The following B3GALT1 variants were observed in gnomAD, a reference collection of about 807,000 sequenced individuals.
B3GALT1 encodes UDP-Gal:betaGlcNAc beta 1,3-galactosyltransferase, polypeptide 1.
B3GALT1 carries 10 observed loss-of-function variants against 23.2 expected under a neutral mutation model. The observed-to-expected ratio is 0.43, with a 90% CI of 0.27 to 0.73. B3GALT1 has a LOEUF of 0.73. B3GALT1 is among the 30% of genes least tolerant of loss of function. The pLI, the probability that B3GALT1 is intolerant of heterozygous loss-of-function variation, is 0.21. For missense variants in B3GALT1, 299 were observed against 405.4 expected (o/e 0.74, Z 2.25); for synonymous variants, 156 against 141.5 (o/e 1.10, Z -0.73).
At chr2:167,494,376 G>A in intron 2 of B3GALT1, among the ~76,000 whole-genome samples, 1 of 151,166 alleles carries the variant, frequency 6.6e-6, no homozygotes. Context: ...TATATTTTAG[G>A]GAAAAAAATA....
At chr2:167,523,029 C>A (rs553750241) in intron 2 of B3GALT1, among the ~76,000 whole-genome samples, 1 of 152,210 alleles carries the variant, frequency 6.6e-6, no homozygotes, top group East Asian at 1.9e-4. Context: ...TTGGTGATCT[C>A]CCTCTCTTTA....
At chr2:167,389,088 C>A (rs561570431) in intron 1 of B3GALT1, among the ~76,000 whole-genome samples, 1 of 152,224 alleles carries the variant, frequency 6.6e-6, no homozygotes. Flanking sequence ...AAGTCACAAT[C>A]TGGTTACAAA....
chr2:167,613,497 C>A (rs1407238427), intron 2 of B3GALT1, among the ~76,000 whole-genome samples: 9 of 150,906 alleles, frequency 6.0e-5, no homozygotes, highest in African/African-American at 2.2e-4. Context: ...ATATGAAAAC[C>A]CAATACCAGA....
At chr2:167,697,154 A>T (rs1284904246) in intron 3 of B3GALT1, among the ~76,000 whole-genome samples, 11 of 152,216 alleles carry the variant, frequency 7.2e-5, no homozygotes, top group Admixed American at 6.5e-4. Flanking sequence ...TGAACATATT[A>T]TATAGAAATA....
intron 1 of B3GALT1, among the ~76,000 whole-genome samples, chr2:167,421,831 A>G (rs1197592995): frequency 6.6e-6 from 1 of 152,254 alleles, no homozygotes; most frequent in African/African-American, 2.4e-5. Flanking sequence ...GCTTAGGAAA[A>G]TATATCTAAA....
chr2:167,293,825 C>G (rs1696299450), intron 1 of B3GALT1, among the ~76,000 whole-genome samples: 1 of 151,888 alleles, frequency 6.6e-6, no homozygotes, highest in Non-Finnish European at 1.5e-5. Context: ...GCGCGTTCCA[C>G]GAGGCTCCCC....
chr2:167,486,582 G>T (rs1024423517), intron 1 of B3GALT1, among the ~76,000 whole-genome samples: 4 of 151,854 alleles, frequency 2.6e-5, no homozygotes, highest in Admixed American at 2.0e-4. Flanking sequence ...GCTGGGTGTT[G>T]TGGCGCACGC....
chr2:167,659,671 G>A (rs1312975607), intron 3 of B3GALT1, among the ~76,000 whole-genome samples: 4 of 152,008 alleles, frequency 2.6e-5, no homozygotes, highest in African/African-American at 9.7e-5. Flanking sequence ...TTTGTAAAGA[G>A]ACCATTTTAG....
intron 3 of B3GALT1, among the ~76,000 whole-genome samples, chr2:167,755,035 CG>C (rs1036703224): frequency 2.6e-5 from 4 of 151,988 alleles, no homozygotes; most frequent in African/African-American, 9.7e-5. Context: ...TTGTAGGGGG[CG>C]GGGTGATGGT....
At chr2:167,532,854 C>A (rs963622093) in intron 2 of B3GALT1, among the ~76,000 whole-genome samples, 1 of 96,450 alleles carries the variant, frequency 1.0e-5, no homozygotes, top group African/African-American at 4.2e-5. Context: ...TTTACTGCAT[C>A]TTTTTTTTTT....
chr2:167,352,302 C>T (rs1434835267), intron 1 of B3GALT1, among the ~76,000 whole-genome samples: 2 of 145,466 alleles, frequency 1.4e-5, no homozygotes, highest in African/African-American at 5.2e-5. Context: ...TTAAGTCCTT[C>T]GCTATTTGCT....
chr2:167,541,267 A>ATG (rs534949261), intron 2 of B3GALT1, among the ~76,000 whole-genome samples: 250 of 152,256 alleles, frequency 1.6e-3, no homozygotes, highest in African/African-American at 5.6e-3. Context: ...TTGATTAAAG[A>ATG]TGCGGTTTCT....
At chr2:167,579,290 C>T (rs970494093) in intron 2 of B3GALT1, among the ~76,000 whole-genome samples, 18 of 151,870 alleles carry the variant, frequency 1.2e-4, no homozygotes, top group Middle Eastern at 3.2e-3. Context: ...TAGAAAGAAA[C>T]TCTTGCCCTC....
intron 1 of B3GALT1, among the ~76,000 whole-genome samples, chr2:167,444,482 GA>G (rs938085114): frequency 6.6e-6 from 1 of 152,178 alleles, no homozygotes; most frequent in African/African-American, 2.4e-5. Flanking sequence ...ATTTGGCTGT[GA>G]ATCCATCTGG....
chr2:167,660,807 T>C (rs553748515), intron 3 of B3GALT1, among the ~76,000 whole-genome samples: 86 of 152,224 alleles, frequency 5.6e-4, no homozygotes, highest in Non-Finnish European at 1.1e-3. Flanking sequence ...TTGACAGTGA[T>C]TGTACGATTG....
chr2:167,417,414 AC>A (rs1370460083), intron 1 of B3GALT1, among the ~76,000 whole-genome samples: 1 of 151,942 alleles, frequency 6.6e-6, no homozygotes, highest in African/African-American at 2.4e-5. Flanking sequence ...ACTAGATGCG[AC>A]CCCTCAACTT....
At chr2:167,514,688 A>T (rs1227109) in intron 2 of B3GALT1, among the ~76,000 whole-genome samples, 7,121 of 152,260 alleles carry the variant, frequency 0.047, 551 homozygotes, top group African/African-American at 0.16. Context: ...ACTGCACAGA[A>T]TAATGATTAA....
At chr2:167,305,336 C>A (rs1480415912) in intron 1 of B3GALT1, among the ~76,000 whole-genome samples, 1 of 152,108 alleles carries the variant, frequency 6.6e-6, no homozygotes, top group Admixed American at 6.6e-5. Flanking sequence ...TTTCTCAACT[C>A]CATCATATTA....
chr2:167,340,313 GA>G (rs773710953), intron 1 of B3GALT1, among the ~76,000 whole-genome samples: 10,836 of 87,364 alleles, frequency 0.12, 701 homozygotes, highest in African/African-American at 0.29. Context: ...GGTACAGGGA[GA>G]AAAAAAAAAA....
Sources: gnomAD v4.1 joint callset for allele counts (sites outside exome capture counted in the v4.1 genomes callset) on GRCh38, gnomAD v4.1.1 for gene constraint, MANE v1.5 for transcripts, NCBI Gene and HGNC (gene_info 2026-07-23, HGNC 2026-07-21) for gene names.